NKAIN3: variants seen among roughly 807,000 people sequenced by gnomAD.
NKAIN3 encodes the protein sodium/potassium-transporting ATPase subunit beta-1-interacting protein 3.
NKAIN3 carries 25 observed loss-of-function variants against 30.2 expected under a neutral mutation model. The observed-to-expected ratio is 0.83, with a 90% CI of 0.60 to 1.16. The LOEUF (loss-of-function observed/expected upper bound fraction) is 1.16, where lower values mean the gene tolerates loss of function less well. Ranked by LOEUF, NKAIN3 falls within the 50% of genes most tolerant of loss-of-function variation. NKAIN3 has a pLI of 0.00. For synonymous variants in NKAIN3, 91 were observed against 89.6 expected (o/e 1.02, Z -0.09); for missense variants, 225 against 254.1 (o/e 0.89, Z 0.78).
At chr8:62,781,527 T>C (rs1817354116) in intron 4 of NKAIN3, among the ~76,000 whole-genome samples, 1 of 151,950 alleles carries the variant, frequency 6.6e-6, no homozygotes, top group African/African-American at 2.4e-5. Flanking sequence ...CTTCAGAACA[T>C]ATTATGAAGC....
chr8:62,669,775 T>C (rs115290341), intron 3 of NKAIN3, among the ~76,000 whole-genome samples: 2,931 of 152,242 alleles, frequency 0.019, 93 homozygotes, highest in African/African-American at 0.067. Context: ...AGAAACCCAC[T>C]GAGTATTTAG....
intron 1 of NKAIN3, among the ~76,000 whole-genome samples, chr8:62,571,275 A>C (rs573372220): frequency 6.6e-6 from 1 of 152,120 alleles, no homozygotes; most frequent in East Asian, 1.9e-4. Context: ...AGCTGGGACT[A>C]CAGGCAAGAG....
chr8:62,332,566 A>G (rs1454691173), intron 1 of NKAIN3, among the ~76,000 whole-genome samples: 1 of 152,050 alleles, frequency 6.6e-6, no homozygotes, highest in Non-Finnish European at 1.5e-5. Context: ...TAATAATGTA[A>G]TTTCATTTTA....
At chr8:62,752,647 A>G (rs1189961830) in intron 4 of NKAIN3, among the ~76,000 whole-genome samples, 1 of 152,236 alleles carries the variant, frequency 6.6e-6, no homozygotes, top group African/African-American at 2.4e-5. Flanking sequence ...TAGCCTGTCA[A>G]CAGCCAGTAG....
intron 3 of NKAIN3, among the ~76,000 whole-genome samples, chr8:62,718,188 C>T (rs558217160): frequency 6.6e-5 from 10 of 152,272 alleles, no homozygotes; most frequent in Non-Finnish European, 1.3e-4. Context: ...TCCCACAACA[C>T]GTGGGAATTC....
At chr8:62,637,067 A>AGGG (rs1812153793) in intron 3 of NKAIN3, among the ~76,000 whole-genome samples, 3 of 152,192 alleles carry the variant, frequency 2.0e-5, no homozygotes, top group African/African-American at 7.2e-5. Flanking sequence ...TTGGAAAGGT[A>AGGG]TGGTTTCAAG....
At position 62,472,889 on chromosome 8, in the gene NKAIN3, G is replaced by A. The variant is rs562248040; in HGVS notation, c.55-106650G>A. Among the ~76,000 whole-genome samples, 14 of 152,296 alleles carry A rather than the reference G, an allele frequency of 9.2e-5. No individual in the cohort carries two copies. In the East Asian group the frequency reaches 2.7e-3, roughly 29 times the overall value. The stretch of plus-strand genomic sequence containing the variant: ...GACACTGATCCGCAGTGCAGGCAAG[G>A]TGCTCAAAGGGGAGACTTGAGTTTC... On this transcript the variant is annotated intron_variant, in intron 1 of 6. Coordinates refer to ENST00000623646, the MANE Select transcript of NKAIN3 (RefSeq NM_001304533.3).
chr8:62,785,295 C>T (rs933372616), intron 4 of NKAIN3, among the ~76,000 whole-genome samples: 2 of 152,032 alleles, frequency 1.3e-5, no homozygotes, highest in Non-Finnish European at 2.9e-5. Context: ...ACCCTCAAAA[C>T]ATTATAAGTT....
chr8:62,933,201 A>C (rs1214144185), intron 5 of NKAIN3, among the ~76,000 whole-genome samples: 1 of 152,190 alleles, frequency 6.6e-6, no homozygotes, highest in Non-Finnish European at 1.5e-5. Context: ...TTTATAAAAG[A>C]GATCTCAGTG....
chr8:62,402,902 G>A (rs4263759), intron 1 of NKAIN3, among the ~76,000 whole-genome samples: 107,380 of 152,020 alleles, frequency 0.71, 38,234 homozygotes, highest in Non-Finnish European at 0.74. Flanking sequence ...CTCAGAAGAA[G>A]ATAGGAAAAT....
intron 1 of NKAIN3, among the ~76,000 whole-genome samples, chr8:62,256,705 A>G (rs945393324): frequency 2.6e-5 from 4 of 152,180 alleles, no homozygotes; most frequent in Admixed American, 6.5e-5. Flanking sequence ...GAGTCCAGAT[A>G]GAAGCCCCAG....
chr8:62,910,530 A>G (rs1209283998), intron 4 of NKAIN3, among the ~76,000 whole-genome samples: 1 of 152,198 alleles, frequency 6.6e-6, no homozygotes, highest in Non-Finnish European at 1.5e-5. Context: ...TTAAAATCAC[A>G]TAAAAATTTC....
chr8:62,416,581 A>G (rs930832028), intron 1 of NKAIN3, among the ~76,000 whole-genome samples: 10 of 152,234 alleles, frequency 6.6e-5, no homozygotes, highest in African/African-American at 1.9e-4. Flanking sequence ...CTGTTTTGAT[A>G]CAGGCATGTA....
At chr8:62,379,732 CT>C (rs542779425) in intron 1 of NKAIN3, among the ~76,000 whole-genome samples, 195 of 152,262 alleles carry the variant, frequency 1.3e-3, no homozygotes, top group South Asian at 2.3e-3. Flanking sequence ...AACCTGTTTT[CT>C]TTGTAAATTA....
intron 6 of NKAIN3, among the ~76,000 whole-genome samples, chr8:62,961,203 C>T (rs1373312430): frequency 6.6e-6 from 1 of 152,034 alleles, no homozygotes; most frequent in Non-Finnish European, 1.5e-5. Flanking sequence ...ACCACTTGAA[C>T]CCGGAGGCAG....
At chr8:62,576,841 A>G (rs1279475587) in intron 1 of NKAIN3, among the ~76,000 whole-genome samples, 2 of 152,134 alleles carry the variant, frequency 1.3e-5, no homozygotes, top group East Asian at 3.8e-4. Context: ...TTTCTGACTT[A>G]ACAAAGCAAC....
intron 1 of NKAIN3, among the ~76,000 whole-genome samples, chr8:62,368,682 A>G (rs1816812281): frequency 6.6e-6 from 1 of 152,186 alleles, no homozygotes; most frequent in South Asian, 2.1e-4. Flanking sequence ...CACACACATA[A>G]GTCTTGTGGA....
intron 1 of NKAIN3, among the ~76,000 whole-genome samples, chr8:62,423,224 A>G (rs960349246): frequency 2.6e-5 from 4 of 152,056 alleles, no homozygotes; most frequent in African/African-American, 9.7e-5. Flanking sequence ...CCTAAATGAA[A>G]CTGTGGAAGG....
At chr8:62,331,149 C>G (rs1787553277) in intron 1 of NKAIN3, among the ~76,000 whole-genome samples, 1 of 146,116 alleles carries the variant, frequency 6.8e-6, no homozygotes, top group African/African-American at 2.5e-5. Flanking sequence ...TCTTCCACCC[C>G]CTCTTCCTCC....
Sources: gnomAD v4.1 joint callset for allele counts (sites outside exome capture counted in the v4.1 genomes callset) on GRCh38, gnomAD v4.1.1 for gene constraint, MANE v1.5 for transcripts, NCBI Gene and HGNC (gene_info 2026-07-23, HGNC 2026-07-21) for gene names.